CTNNA2: variants seen among roughly 807,000 people sequenced by gnomAD.
The protein encoded by CTNNA2 is catenin alpha-2.
CTNNA2 carries 42 observed loss-of-function variants against 101.0 expected under a neutral mutation model. That is an observed-to-expected ratio of 0.42 (90% CI 0.32 to 0.54). CTNNA2 has a LOEUF of 0.54. Ranked by LOEUF, CTNNA2 falls within the 20% of genes least tolerant of loss-of-function variation. The probability of loss-of-function intolerance (pLI) is 0.14; values close to 1 mark genes in which losing one functional copy is unlikely to be tolerated. For missense variants in CTNNA2, 871 were observed against 1,223.1 expected, an observed-to-expected ratio of 0.71 and a Z score of 4.29; for synonymous variants, 450 against 456.4, an observed-to-expected ratio of 0.99 and a Z score of 0.18.
At chr2:79,438,067 C>T (rs1043852207) in intron 4 of CTNNA2, among the ~76,000 whole-genome samples, 8 of 152,332 alleles carry the variant, frequency 5.3e-5, no homozygotes, top group Middle Eastern at 3.4e-3. Context: ...CAGCAAACCT[C>T]AGATGCTGGG....
chr2:79,775,109 A>G (rs1005559712), intron 3 of CTNNA2, among the ~76,000 whole-genome samples: 1 of 152,304 alleles, frequency 6.6e-6, no homozygotes, highest in African/African-American at 2.4e-5. Flanking sequence ...ATAAATGGAC[A>G]GTGTTGGGTT....
intron 3 of CTNNA2, among the ~76,000 whole-genome samples, chr2:79,371,746 G>T (rs1269108409): frequency 1.3e-5 from 2 of 152,046 alleles, no homozygotes; most frequent in African/African-American, 4.8e-5. Flanking sequence ...TTTCCTATCA[G>T]TCCTGGGCAA....
At chr2:80,632,839 G>C (rs1386634509) in intron 18 of CTNNA2, among the ~76,000 whole-genome samples, 1 of 152,108 alleles carries the variant, frequency 6.6e-6, no homozygotes, top group Non-Finnish European at 1.5e-5. Context: ...AATTTAACAA[G>C]TATTTTATTT....
Position 79,968,962 on chromosome 2 carries a change from G to A in CTNNA2, c.1056+59165G>A, listed in dbSNP as rs116180023. ...ACTGTTGAACATAATCACATTTTTC[G>A]TCTTAATAGCCCTATGAGACAGATA... On this transcript the variant is annotated intron_variant, in intron 7 of 18. Coordinates refer to ENST00000402739, the MANE Select transcript of CTNNA2 (RefSeq NM_001282597.3). 2.5e-3 allele frequency among the ~76,000 whole-genome samples: 376 copies of A among 151,652 alleles called. 3 individuals carry two copies. The highest frequency in any genetic ancestry group is 8.3e-3 in the African/African-American group (342 of 41,324).
intron 3 of CTNNA2, among the ~76,000 whole-genome samples, chr2:79,839,420 G>C (rs1336079721): frequency 6.6e-6 from 1 of 151,852 alleles, no homozygotes; most frequent in Admixed American, 6.6e-5. Context: ...ATCTTGTTCA[G>C]TATGTATTGG....
intron 7 of CTNNA2, among the ~76,000 whole-genome samples, chr2:80,157,738 A>G (rs889136650): frequency 1.3e-5 from 2 of 152,050 alleles, no homozygotes; most frequent in African/African-American, 4.8e-5. Flanking sequence ...TTTAAAAGGT[A>G]TGGTATGTCT....
Position 79,960,636 on chromosome 2 carries a change from G to T in CTNNA2, c.1056+50839G>T, listed in dbSNP as rs529806224. 5.0e-4 allele frequency among the ~76,000 whole-genome samples: 76 copies of T among 152,292 alleles called. 1 individual carries two copies. Among genetic ancestry groups the T allele is most frequent in the African/African-American group, 1.6e-3 (68 of 41,552 alleles). ...GTTTATATGTAAAAGAACACTGGAG[G>T]TTATAAAGGTAACAAAGACCTTAAA... On this transcript the variant is annotated intron_variant, in intron 7 of 18. Transcript: ENST00000402739.
At chr2:79,971,572 C>G (rs1439029933) in intron 7 of CTNNA2, among the ~76,000 whole-genome samples, 2 of 152,154 alleles carry the variant, frequency 1.3e-5, no homozygotes, top group Non-Finnish European at 2.9e-5. Context: ...AATTATCCCC[C>G]TTTTCAGAAG....
intron 7 of CTNNA2, among the ~76,000 whole-genome samples, chr2:80,113,340 C>T (rs942650481): frequency 1.1e-4 from 17 of 152,146 alleles, no homozygotes; most frequent in Admixed American, 6.5e-4. Context: ...ATTGTATTGA[C>T]GTACATTGAG....
intron 14 of CTNNA2, among the ~76,000 whole-genome samples, chr2:80,584,719 G>A (rs528034397): frequency 1.3e-5 from 2 of 151,968 alleles, no homozygotes; most frequent in East Asian, 1.9e-4. Flanking sequence ...TCATCTCCTC[G>A]TATGCTACCA....
chr2:79,408,891 G>A (rs1678373736), intron 4 of CTNNA2, among the ~76,000 whole-genome samples: 3 of 151,164 alleles, frequency 2.0e-5, no homozygotes, highest in African/African-American at 2.4e-5. Context: ...TTCCACAATG[G>A]TTGAACTAGT....
rs548542463 is a variant in CTNNA2, at chr2:79,427,226, G to A, written c.-135+53213G>A. Among the ~76,000 whole-genome samples, 13 of 152,098 alleles carry A rather than the reference G, an allele frequency of 8.5e-5. No homozygotes were observed. The South Asian group carries it at 2.7e-3, about 32-fold the overall frequency. On this transcript the variant is annotated intron_variant, in intron 4 of 21. Transcript: ENST00000466387. Reference sequence around the variant, plus strand: ...GTTATTAAAGAGAATAATGGTGGGTGGTAACTATTTATTGCTCTGTATAAA... The same window carrying A: ...GTTATTAAAGAGAATAATGGTGGGTAGTAACTATTTATTGCTCTGTATAAA...
intron 6 of CTNNA2, among the ~76,000 whole-genome samples, chr2:79,888,511 A>C (rs1684060949): frequency 6.6e-6 from 1 of 152,216 alleles, no homozygotes; most frequent in African/African-American, 2.4e-5. Flanking sequence ...AAATATTCCA[A>C]AACAATTTAC....
intron 4 of CTNNA2, among the ~76,000 whole-genome samples, chr2:79,424,410 G>T (rs1258824748): frequency 6.6e-6 from 1 of 152,102 alleles, no homozygotes; most frequent in Non-Finnish European, 1.5e-5. Flanking sequence ...CCAGTACATA[G>T]CAGAGCAGGA....
intron 2 of CTNNA2, among the ~76,000 whole-genome samples, chr2:79,257,306 C>G (rs950450971): frequency 6.6e-6 from 1 of 151,762 alleles, no homozygotes; most frequent in Admixed American, 6.6e-5. Flanking sequence ...CCAATCAACA[C>G]CAGAAAACAG....
rs572703663 is a variant in CTNNA2 at position 80,340,027 on chromosome 2, C to T, written c.1057-53184C>T. Among the ~76,000 whole-genome samples the T allele has an allele frequency of 5.3e-5, 8 of 152,242 alleles. No individual in the cohort carries two copies. In the South Asian group the frequency reaches 1.5e-3, roughly 28 times the overall value. On this transcript the variant is annotated intron_variant, in intron 7 of 18. Coordinates refer to ENST00000402739, the MANE Select transcript of CTNNA2 (RefSeq NM_001282597.3). ...CATTGTGCTTACAAAGTATATGCAG[C>T]TTTTTCATCAAACATACAAGTAATT...
chr2:80,006,499 T>C (rs1195825157), intron 7 of CTNNA2, among the ~76,000 whole-genome samples: 2 of 152,112 alleles, frequency 1.3e-5, no homozygotes, highest in Non-Finnish European at 2.9e-5. Context: ...ACCATGGCAC[T>C]TATGGAGACC....
chr2:79,880,066 A>G (rs1023846214), intron 6 of CTNNA2, among the ~76,000 whole-genome samples: 2 of 152,144 alleles, frequency 1.3e-5, no homozygotes, highest in African/African-American at 2.4e-5. Flanking sequence ...TTCTGCATCT[A>G]TTGAGATAAT....
chr2:79,205,099 T>G (rs1674084701), intron 2 of CTNNA2, among the ~76,000 whole-genome samples: 1 of 152,212 alleles, frequency 6.6e-6, no homozygotes, highest in Non-Finnish European at 1.5e-5. Context: ...CACTGCTGAA[T>G]TATAAGGTGT....
Sources: allele counts gnomAD v4.1 joint callset (sites outside exome capture counted in the v4.1 genomes callset), GRCh38; gene constraint gnomAD v4.1.1; transcripts MANE v1.5; gene names NCBI Gene and HGNC (gene_info 2026-07-23, HGNC 2026-07-21).